The following ARHGEF17 variants were observed in gnomAD, a reference collection of about 807,000 sequenced individuals.
ARHGEF17 encodes the protein 164 kDa Rho-specific guanine-nucleotide exchange factor.
A neutral mutation model predicts 174.0 loss-of-function variants in ARHGEF17; 80 were observed. That is an observed-to-expected ratio of 0.46 (90% CI 0.38 to 0.55). ARHGEF17 has a LOEUF of 0.55. ARHGEF17 is among the 20% of genes least tolerant of loss of function. The pLI, the probability that ARHGEF17 is intolerant of heterozygous loss-of-function variation, is 0.00. For missense variants in ARHGEF17, 2,886 were observed against 2,839.7 expected (o/e 1.02, Z -0.37); for synonymous variants, 1,311 against 1,189.1 (o/e 1.10, Z -2.11).
At position 73,311,015 on chromosome 11, in the gene ARHGEF17, A is replaced by G. The variant is rs750155202; in HGVS notation, c.2377A>G (p.Ser793Gly). Residue 793 changes from serine to glycine, a missense_variant, in exon 1 of 21, where the codon AGC becomes GGC. Ser to Gly is a moderately conservative substitution (Grantham distance 56). Transcript: ENST00000263674. ...HSDWSVGSEE[S>G]KGYQEVIQSI... ...TGACTGGTCTGTGGGCAGTGAAGAGAGCAAGGGATATCAGGAGGTTATTCA... is the reference window on the plus strand; with the variant it reads ...TGACTGGTCTGTGGGCAGTGAAGAGGGCAAGGGATATCAGGAGGTTATTCA... 2 of 1,614,016 alleles carry G rather than the reference A, an allele frequency of 1.2e-6. No homozygotes were observed. The highest frequency in any genetic ancestry group is 1.3e-5 in the African/African-American group (1 of 74,894).
intron 1 of ARHGEF17, among the ~76,000 whole-genome samples, chr11:73,329,407 T>G (rs1160002301): frequency 1.3e-4 from 16 of 122,760 alleles, no homozygotes; most frequent in Admixed American, 1.6e-4. Context: ...GGGTTTTTGT[T>G]TTTTTTTTTT....
chr11:73,320,623 C>G (rs986633606), intron 1 of ARHGEF17, among the ~76,000 whole-genome samples: 1 of 128,098 alleles, frequency 7.8e-6, no homozygotes, highest in African/African-American at 3.5e-5. Flanking sequence ...AGCGAGACTC[C>G]GTCTCAAAAA....
chr11:73,322,721 G>A (rs982219025), intron 1 of ARHGEF17, among the ~76,000 whole-genome samples: 4 of 152,072 alleles, frequency 2.6e-5, no homozygotes, highest in African/African-American at 4.8e-5. Context: ...CTCAAGTGCC[G>A]AGTTAAATGG....
intron 1 of ARHGEF17, among the ~76,000 whole-genome samples, chr11:73,337,879 C>T (rs937356537): frequency 6.6e-6 from 1 of 152,282 alleles, no homozygotes; most frequent in South Asian, 2.1e-4. Context: ...GGACACAGGT[C>T]GTGTCACTCA....
At chr11:73,321,937 G>T (rs954238230) in intron 1 of ARHGEF17, among the ~76,000 whole-genome samples, 1 of 152,178 alleles carries the variant, frequency 6.6e-6, no homozygotes, top group African/African-American at 2.4e-5. Flanking sequence ...TTCCCAGGGG[G>T]TGAGCAGGCC....
chr11:73,341,594 G>A (rs1865369911), intron 1 of ARHGEF17, among the ~76,000 whole-genome samples: 1 of 152,192 alleles, frequency 6.6e-6, no homozygotes, highest in African/African-American at 2.4e-5. Context: ...TTACAGGCGT[G>A]AGCTACCGCG....
In ARHGEF17 at chr11:73,347,030, C is replaced by A. The variant is rs1481431531; in HGVS notation, c.3270+70C>A. 2 of 1,433,766 alleles carry A rather than the reference C, an allele frequency of 1.4e-6. 1 individual carries two copies. Among genetic ancestry groups the A allele is most frequent in the Non-Finnish European group, 1.9e-6 (2 of 1,035,684 alleles). The allele number at this position is 1,433,766 out of a possible 1,614,324, so 88.8% of individuals were successfully genotyped here. Reference sequence around the variant, plus strand: ...TAGGAGGCTGTCAGATGGGTGTGAGCAAACCCCTTTCATGGACAAGGGACT... The same window carrying A: ...TAGGAGGCTGTCAGATGGGTGTGAGAAAACCCCTTTCATGGACAAGGGACT... On this transcript the variant is annotated intron_variant, in intron 2 of 20. Coordinates refer to ENST00000263674, the MANE Select transcript of ARHGEF17 (RefSeq NM_014786.4).
Position 73,356,272 on chromosome 11 carries a change from G to T in ARHGEF17, c.3761G>T (p.Gly1254Val). The change falls in exon 6 of 21, where the codon GGT becomes GTT. Residue 1254 changes from glycine (G) to valine (V), a missense_variant. Physicochemically the swap from Gly to Val is moderately radical, Grantham distance 109 (BLOSUM62 -3). Transcript: ENST00000263674. ...IKQVAERINK[G>V]VRSAEEAERH... ...CAGGTGGCTGAGCGCATCAACAAGGGTGTGCGGAGTGCCGAGGAGGCGGAG... is the reference window on the plus strand; with the variant it reads ...CAGGTGGCTGAGCGCATCAACAAGGTTGTGCGGAGTGCCGAGGAGGCGGAG... 6.2e-7 allele frequency: 1 copy of T among 1,613,822 alleles called. No homozygotes were observed.
chr11:73,342,927 C>T (rs1865395402), intron 1 of ARHGEF17: 1 of 170,288 alleles, frequency 5.9e-6, no homozygotes, highest in African/African-American at 2.4e-5. Flanking sequence ...CGGGCGCACT[C>T]CCAGCGCGGA....
intron 1 of ARHGEF17, among the ~76,000 whole-genome samples, chr11:73,319,460 T>C (rs1009908517): frequency 1.3e-5 from 2 of 152,216 alleles, no homozygotes; most frequent in Admixed American, 6.5e-5. Context: ...TAATTACACC[T>C]GCAAAGTCCC....
At chr11:73,347,036 C>G in intron 2 of ARHGEF17, 76 bp downstream of exon 2, 1 of 1,389,798 alleles carries the variant, frequency 7.2e-7, no homozygotes, top group Non-Finnish European at 1.0e-6. Context: ...TGAGCAAACC[C>G]CTTTCATGGA....
In ARHGEF17 at chr11:73,356,252, G is replaced by A. The variant is rs1565206003; in HGVS notation, c.3741G>A (p.Val1247=). ...LLEAQRNIKQ[V]AERINKGVRS... is the part of the protein sequence containing the mutation. Reference sequence around the variant, plus strand: ...AGGCGCAGCGGAACATCAAGCAGGTGGCTGAGCGCATCAACAAGGGTGTGC... The same window carrying A: ...AGGCGCAGCGGAACATCAAGCAGGTAGCTGAGCGCATCAACAAGGGTGTGC... Residue 1247 remains valine, a synonymous_variant, in exon 6 of 21, where the codon GTG becomes GTA. Coordinates refer to ENST00000263674, the MANE Select transcript of ARHGEF17 (RefSeq NM_014786.4). The A allele has an allele frequency of 6.2e-7, 1 of 1,613,898 alleles. No homozygotes were observed. Among genetic ancestry groups the A allele is most frequent in the Non-Finnish European group, 8.5e-7 (1 of 1,180,030 alleles).
Position 73,363,313 on chromosome 11 carries a change from C to T in ARHGEF17, c.5104C>T (p.Pro1702Ser). Residue 1702 changes from proline (P) to serine (S), a missense_variant, in exon 15 of 21, where the codon CCC becomes TCC. By Grantham distance (74) the Pro-to-Ser change is moderately conservative (BLOSUM62 -1). This residue lies in a region of ARHGEF17 where 476 missense variants were observed against 473.1 expected (regional missense o/e 1.01). Transcript: ENST00000263674. ...PLSGSFGPGG[P>S]CGTSPMDGRA... ...GTCTGGCTCCTTTGGGCCTGGTGGT[C>T]CCTGCGGCACCAGCCCAATGGATGG... 6.2e-7 allele frequency: 1 copy of T among 1,612,706 alleles called. No homozygotes were observed. Among genetic ancestry groups the T allele is most frequent in the South Asian group, 1.1e-5 (1 of 91,038 alleles).
intron 1 of ARHGEF17, among the ~76,000 whole-genome samples, chr11:73,338,690 G>T (rs2134405524): frequency 6.6e-6 from 1 of 152,138 alleles, no homozygotes; most frequent in African/African-American, 2.4e-5. Flanking sequence ...GGGAGGTGGG[G>T]GTTGGGGGAG....
intron 1 of ARHGEF17, among the ~76,000 whole-genome samples, chr11:73,324,593 G>A (rs1321906548): frequency 6.6e-6 from 1 of 152,208 alleles, no homozygotes; most frequent in Non-Finnish European, 1.5e-5. Flanking sequence ...AGGTCACAGA[G>A]CCCAGAAAGA....
intron 1 of ARHGEF17, among the ~76,000 whole-genome samples, chr11:73,345,444 A>C (rs955601504): frequency 3.0e-4 from 45 of 151,982 alleles, no homozygotes; most frequent in African/African-American, 1.1e-3. Context: ...CACTGTGGGG[A>C]CAGGCCTTGC....
At chr11:73,315,183 C>CGG (rs973058939) in intron 1 of ARHGEF17, among the ~76,000 whole-genome samples, 2 of 152,116 alleles carry the variant, frequency 1.3e-5, no homozygotes, top group African/African-American at 4.8e-5. Flanking sequence ...ATCTGAGTAG[C>CGG]GGGGACAAGT....
intron 6 of ARHGEF17, 128 bp downstream of exon 6, chr11:73,356,479 C>T: frequency 8.0e-7 from 1 of 1,252,954 alleles, no homozygotes; most frequent in Non-Finnish European, 1.1e-6. Flanking sequence ...AGTGTGTTTG[C>T]ATCCATGTCT....
At chr11:73,323,024 C>G (rs1461730052) in intron 1 of ARHGEF17, among the ~76,000 whole-genome samples, 1 of 152,116 alleles carries the variant, frequency 6.6e-6, no homozygotes, top group African/African-American at 2.4e-5. Flanking sequence ...CTTGTCTCGG[C>G]AGAAATTTCC....
Sources: allele counts gnomAD v4.1 joint callset (sites outside exome capture counted in the v4.1 genomes callset), GRCh38; gene constraint gnomAD v4.1.1; regional missense constraint gnomAD v4.1.1; transcripts MANE v1.5; gene names NCBI Gene and HGNC (gene_info 2026-07-23, HGNC 2026-07-21).